Variants in GRM7 observed in about 807,000 individuals in gnomAD.
The protein encoded by GRM7 is metabotropic glutamate receptor 7.
GRM7 carries 35 observed loss-of-function variants against 84.5 expected under a neutral mutation model. The observed-to-expected ratio is 0.41, with a 90% CI of 0.32 to 0.55. GRM7 has a LOEUF of 0.55. Ranked by LOEUF, GRM7 falls within the 20% of genes least tolerant of loss-of-function variation. The pLI, the probability that GRM7 is intolerant of heterozygous loss-of-function variation, is 0.19. For synonymous variants in GRM7, 487 were observed against 455.1 expected (o/e 1.07, Z -0.89); for missense variants, 1,003 against 1,194.6 (o/e 0.84, Z 2.36).
intron 2 of GRM7, among the ~76,000 whole-genome samples, chr3:7,196,063 G>T (rs1026552052): frequency 3.9e-5 from 6 of 151,986 alleles, no homozygotes; most frequent in Admixed American, 3.9e-4. Flanking sequence ...CAGAGAAAAA[G>T]ATATTTATTT....
intron 8 of GRM7, among the ~76,000 whole-genome samples, chr3:7,613,221 A>G (rs1235350790): frequency 2.0e-5 from 3 of 152,228 alleles, no homozygotes; most frequent in Admixed American, 6.5e-5. Context: ...TTACTTAGAT[A>G]GTAAACATAT....
intron 2 of GRM7, among the ~76,000 whole-genome samples, chr3:7,182,665 G>A (rs529359421): frequency 1.4e-4 from 21 of 152,172 alleles, no homozygotes; most frequent in South Asian, 1.0e-3. Flanking sequence ...TCAATTAATC[G>A]TAACCAGAAT....
chr3:7,091,186 A>G (rs973606535), intron 1 of GRM7, among the ~76,000 whole-genome samples: 1 of 149,876 alleles, frequency 6.7e-6, no homozygotes, highest in African/African-American at 2.5e-5. Context: ...GAAAGGATTG[A>G]TTTGTAGGCC....
At chr3:6,881,861 A>T (rs1202320895) in intron 1 of GRM7, among the ~76,000 whole-genome samples, 1 of 151,978 alleles carries the variant, frequency 6.6e-6, no homozygotes, top group East Asian at 1.9e-4. Flanking sequence ...GGGGCTAAAA[A>T]TGTTTAGTCA....
Position 7,486,721 on chromosome 3 carries a change from G to GT in GRM7, c.1515+25005dup, listed in dbSNP as rs1348533325. Among the ~76,000 whole-genome samples the GT allele has an allele frequency of 6.6e-6, 1 of 152,152 alleles. No homozygotes were observed. The highest frequency in any genetic ancestry group is 1.9e-4 in the East Asian group (1 of 5,184). On this transcript the variant is annotated intron_variant, in intron 7 of 9. Transcript: ENST00000357716. The surrounding 1 kb of genome is among the most constrained non-coding windows in gnomAD (Gnocchi z 5.5). ...CCAGAATGATGAGACAAATAAGGCT[G>GT]TTTTTTAAAATAATTTATGCAGCCT...
chr3:7,546,617 C>A (rs2125020674), intron 7 of GRM7, among the ~76,000 whole-genome samples: 1 of 152,234 alleles, frequency 6.6e-6, no homozygotes, highest in Non-Finnish European at 1.5e-5. Context: ...TAAATTCCTC[C>A]CAAGAGTTTT....
At chr3:7,603,661 T>C (rs978153221) in intron 8 of GRM7, among the ~76,000 whole-genome samples, 5 of 152,086 alleles carry the variant, frequency 3.3e-5, no homozygotes, top group African/African-American at 1.2e-4. Flanking sequence ...ACATCTGGAG[T>C]GTTAGGATTT....
intron 9 of GRM7, chr3:7,682,437 T>C (rs747294651): frequency 6.6e-6 from 1 of 151,828 alleles, no homozygotes; most frequent in East Asian, 1.9e-4. Flanking sequence ...TAAACATATA[T>C]GTATATTTAT....
intron 1 of GRM7, among the ~76,000 whole-genome samples, chr3:6,950,245 C>G (rs942557938): frequency 2.2e-4 from 33 of 152,052 alleles, no homozygotes. Context: ...GTGTAGATGT[C>G]CTTTCTGTTT....
At chr3:7,016,563 G>GTT (rs1034758870) in intron 1 of GRM7, among the ~76,000 whole-genome samples, 2 of 152,152 alleles carry the variant, frequency 1.3e-5, no homozygotes, top group Admixed American at 1.3e-4. Context: ...CAAGGCAAGT[G>GTT]TAAGTTACAA....
At chr3:7,040,140 G>A (rs1486395668) in intron 1 of GRM7, among the ~76,000 whole-genome samples, 5 of 152,098 alleles carry the variant, frequency 3.3e-5, no homozygotes, top group African/African-American at 1.2e-4. Context: ...ACATTTACTC[G>A]AAGTTCAAAT....
At chr3:7,058,344 T>A (rs1364470745) in intron 1 of GRM7, among the ~76,000 whole-genome samples, 1 of 151,928 alleles carries the variant, frequency 6.6e-6, no homozygotes, top group South Asian at 2.1e-4. Flanking sequence ...AACACAAATA[T>A]TGTTCTAAAG....
chr3:7,077,465 T>C (rs914422562), intron 1 of GRM7, among the ~76,000 whole-genome samples: 2 of 150,340 alleles, frequency 1.3e-5, no homozygotes, highest in Admixed American at 6.7e-5. Flanking sequence ...AGCAAACTAA[T>C]GCAGGAACAG....
chr3:7,002,460 A>G (rs1381944123), intron 1 of GRM7, among the ~76,000 whole-genome samples: 1 of 152,210 alleles, frequency 6.6e-6, no homozygotes, highest in East Asian at 1.9e-4. Context: ...TAATATATAC[A>G]TATGAGAAAC....
chr3:7,391,406 G>T (rs537643880), intron 4 of GRM7, among the ~76,000 whole-genome samples: 5 of 152,244 alleles, frequency 3.3e-5, no homozygotes, highest in South Asian at 2.1e-4. Context: ...CATGTACTTT[G>T]TAGGGACATG....
In GRM7 at chr3:6,913,168, C is replaced by T. The variant is rs1490607815; in HGVS notation, c.519+51261C>T. Among the ~76,000 whole-genome samples, 7 of 152,244 alleles carry T rather than the reference C, an allele frequency of 4.6e-5. No individual in the cohort carries two copies. The East Asian group carries it at 1.4e-3, about 29-fold the overall frequency. ...TCCATTTATCTTTTAATATATGTAG[C>T]TATATGTCTTTGCCAGATCCCCATT... On this transcript the variant is annotated intron_variant, in intron 1 of 9. Coordinates refer to ENST00000357716, the MANE Select transcript of GRM7 (RefSeq NM_000844.4).
chr3:6,967,004 A>G (rs576497935), intron 1 of GRM7, among the ~76,000 whole-genome samples: 1 of 152,262 alleles, frequency 6.6e-6, no homozygotes, highest in Non-Finnish European at 1.5e-5. Context: ...AATATCAGGT[A>G]TGTGACTCTA....
intron 9 of GRM7, among the ~76,000 whole-genome samples, chr3:7,700,168 C>A (rs2125157845): frequency 6.6e-6 from 1 of 152,288 alleles, no homozygotes; most frequent in African/African-American, 2.4e-5. Flanking sequence ...TCAGATAAGA[C>A]AACAACCTGC....
chr3:7,171,769 A>G (rs1326392501), intron 2 of GRM7, among the ~76,000 whole-genome samples: 1 of 152,180 alleles, frequency 6.6e-6, no homozygotes, highest in African/African-American at 2.4e-5. Flanking sequence ...ACTTCGATTT[A>G]GAAAATGAGA....
Sources: gnomAD v4.1 joint callset for allele counts (sites outside exome capture counted in the v4.1 genomes callset) on GRCh38, gnomAD v4.1.1 for gene constraint, Gnocchi (gnomAD v3.1) non-coding constraint, MANE v1.5 for transcripts, NCBI Gene and HGNC (gene_info 2026-07-23, HGNC 2026-07-21) for gene names.